Variants in FAT1 observed in about 807,000 individuals in gnomAD.
FAT1 encodes FAT atypical cadherin 1.
FAT1 carries 171 observed loss-of-function variants against 329.8 expected under a neutral mutation model. That is an observed-to-expected ratio of 0.52 (90% CI 0.46 to 0.59). FAT1 has a LOEUF of 0.59. Ranked by LOEUF, FAT1 falls within the 20% of genes least tolerant of loss-of-function variation. FAT1 has a pLI of 0.00. For missense variants in FAT1, 5,672 were observed against 5,774.4 expected, an observed-to-expected ratio of 0.98 and a Z score of 0.57; for synonymous variants, 2,233 against 2,228.6, an observed-to-expected ratio of 1.00 and a Z score of -0.06.
intron 2 of FAT1, among the ~76,000 whole-genome samples, chr4:186,688,204 T>G (rs1311259069): frequency 6.6e-6 from 1 of 150,514 alleles, no homozygotes; most frequent in Non-Finnish European, 1.5e-5. Flanking sequence ...GCTAAGCAGA[T>G]GCCCCAGCAG....
In FAT1 at chr4:186,619,515, C is replaced by G. The variant is rs745430071; in HGVS notation, c.7071G>C (p.Thr2357=). The G allele has an allele frequency of 1.2e-6, 2 of 1,613,930 alleles. No individual in the cohort carries two copies. Among genetic ancestry groups the G allele is most frequent in the Non-Finnish European group, 1.7e-6 (2 of 1,179,888 alleles). The change falls in exon 10 of 27, where the codon ACG becomes ACC. Residue 2357 remains threonine, a synonymous_variant. Coordinates refer to ENST00000441802, the MANE Select transcript of FAT1 (RefSeq NM_005245.4). ...TLDYEQSRQH[T]IFVRAVDGGM... ...CACCATCAACTGCCCTCACAAAAAT[C>G]GTGTGCTGCCGGGACTGCTCGTAAT...
chr4:186,643,788 T>TCCCCCCCCCCCCCCCCCC (rs111521404), intron 3 of FAT1, among the ~76,000 whole-genome samples: 42 of 131,114 alleles, frequency 3.2e-4, no homozygotes, highest in Non-Finnish European at 4.0e-4. Context: ...CTGCTCCTCA[T>TCCCCCCCCCCCCCCCCCC]CCCCCCCCCA....
At chr4:186,660,620 C>T (rs1018080906) in intron 3 of FAT1, among the ~76,000 whole-genome samples, 7 of 152,190 alleles carry the variant, frequency 4.6e-5, no homozygotes, top group African/African-American at 7.2e-5. Context: ...GTGCTCCCGC[C>T]GGGGCTGGGG....
At chr4:186,606,553 C>T (rs1285555477) in intron 16 of FAT1, among the ~76,000 whole-genome samples, 1 of 152,128 alleles carries the variant, frequency 6.6e-6, no homozygotes, top group African/African-American at 2.4e-5. Flanking sequence ...ATCTCAAATG[C>T]TGTTGCTTCG....
At chr4:186,639,496 A>C (rs1042731055) in intron 4 of FAT1, among the ~76,000 whole-genome samples, 2 of 152,234 alleles carry the variant, frequency 1.3e-5, no homozygotes, top group African/African-American at 4.8e-5. Flanking sequence ...AATCCGGCCC[A>C]TGACAGTGGC....
At chr4:186,714,756 T>A (rs1048719465) in intron 1 of FAT1, among the ~76,000 whole-genome samples, 8 of 152,200 alleles carry the variant, frequency 5.3e-5, no homozygotes, top group African/African-American at 1.9e-4. Flanking sequence ...AAGCCTAACA[T>A]TAGAACTTGG....
chr4:186,683,729 C>T (rs939218244), intron 2 of FAT1, among the ~76,000 whole-genome samples: 5 of 152,040 alleles, frequency 3.3e-5, no homozygotes, highest in South Asian at 2.1e-4. Context: ...GTCCAATACA[C>T]GACTTCTCCC....
chr4:186,668,083 G>A (rs990082354), intron 2 of FAT1, among the ~76,000 whole-genome samples: 1 of 152,200 alleles, frequency 6.6e-6, no homozygotes, highest in African/African-American at 2.4e-5. Context: ...ATTCCGCTCA[G>A]AGTTTTGGGG....
Position 186,611,590 on chromosome 4 carries a change from T to A in FAT1, c.9649A>T (p.Ile3217Phe), listed in dbSNP as rs1187121801. 3.1e-6 allele frequency: 5 copies of A among 1,613,676 alleles called. No homozygotes were observed. The African/African-American group carries it at 5.3e-5, about 17-fold the overall frequency. Residue 3217 changes from isoleucine to phenylalanine, a missense_variant, in exon 14 of 27, where the codon ATT becomes TTT. By Grantham distance (21) the Ile-to-Phe change is conservative. Around this residue, in one of 2 missense-constraint regions of FAT1, gnomAD observed 1,706 missense variants for 1,859.1 expected, o/e 0.92. Transcript: ENST00000441802. ...TCATTTATGTCAAGAACTGATACAA[T>A]CACAGTGCCAGTGGCAGTCAGCCTC... Reference protein sequence around the residue: ...PRRLTATGTVIVSVLDINDNP... With the variant: ...PRRLTATGTVFVSVLDINDNP...
chr4:186,684,909 T>A (rs1288396003), intron 2 of FAT1, among the ~76,000 whole-genome samples: 3 of 152,200 alleles, frequency 2.0e-5, no homozygotes, highest in Admixed American at 6.5e-5. Context: ...CGGCAACTCC[T>A]TTTATGCCAC....
At position 186,636,159 on chromosome 4, in the gene FAT1, T is replaced by C. The variant is rs754164178; in HGVS notation, c.4049A>G (p.Lys1350Arg). Reference protein sequence around the residue: ...RLHIEWISKPKPSLEPISFEE... With the variant: ...RLHIEWISKPRPSLEPISFEE... The stretch of plus-strand genomic sequence containing the variant: ...AAATGAAATGGGCTCCAGGGACGGT[T>C]TGGGCTTGGAGATCCATTCAATATG... The change falls in exon 6 of 27, where the codon AAA becomes AGA. Residue 1350 changes from lysine to arginine, a missense_variant. Around this residue, in one of 2 missense-constraint regions of FAT1, gnomAD observed 3,966 missense variants for 3,915.2 expected, o/e 1.01. Coordinates refer to ENST00000441802, the MANE Select transcript of FAT1 (RefSeq NM_005245.4). The C allele has an allele frequency of 2.5e-6, 4 of 1,613,814 alleles. No homozygotes were observed. The highest frequency in any genetic ancestry group is 1.3e-5 in the African/African-American group (1 of 75,006).
At chr4:186,711,658 C>G (rs912013036) in intron 1 of FAT1, among the ~76,000 whole-genome samples, 2 of 152,104 alleles carry the variant, frequency 1.3e-5, no homozygotes, top group African/African-American at 4.8e-5. Context: ...TGGCTCACAC[C>G]TGTAATCCCA....
At position 186,620,080 on chromosome 4, in the gene FAT1, A is replaced by G. The variant is rs774181216; in HGVS notation, c.6506T>C (p.Ile2169Thr). 5.6e-5 allele frequency: 91 copies of G among 1,613,926 alleles called. 1 individual carries two copies. Among genetic ancestry groups the G allele is most frequent in the Non-Finnish European group, 7.1e-5 (84 of 1,179,904 alleles). The change falls in exon 10 of 27, where the codon ATC (isoleucine) becomes ACC (threonine). Residue 2169 changes from isoleucine to threonine, a missense_variant. Physicochemically the swap from Ile to Thr is moderately conservative, Grantham distance 89. Around this residue, in one of 2 missense-constraint regions of FAT1, gnomAD observed 3,966 missense variants for 3,915.2 expected, o/e 1.01. Coordinates refer to ENST00000441802, the MANE Select transcript of FAT1 (RefSeq NM_005245.4). ...GGNPAFSAEV[I>T]VPITVMNKAM... ...TTTATTCATGACAGTGATCGGAACG[A>G]TAACTTCCGCTGAAAAGGCCGGGTT... is the stretch of plus-strand genomic sequence containing the variant.
At chr4:186,663,716 C>T in intron 2 of FAT1, 103 bp from the exon 3 acceptor site, 1 of 856,218 alleles carries the variant, frequency 1.2e-6, no homozygotes, top group Non-Finnish European at 1.8e-6. Flanking sequence ...TTATATGTCT[C>T]TTACTAGGTG....
At position 186,596,848 on chromosome 4, in the gene FAT1, G is replaced by A. The variant is rs368267696; in HGVS notation, c.12692C>T (p.Pro4231Leu). The stretch of plus-strand genomic sequence containing the variant: ...CTTATTTAGCTTGGAATCAAAATAC[G>A]GTCTTTGCAAGAAAGCCGTAGCGGG... ...LGPATAFLQR[P>L]YFDSKLNKNI... The change falls in exon 25 of 27, where the codon CCG (proline) becomes CTG (leucine). Residue 4231 changes from proline to leucine, a missense_variant. Transcript: ENST00000441802. This position sits in a 1 kb window ranked among gnomAD's most constrained non-coding sequence, Gnocchi z 4.7. 2.2e-5 allele frequency: 35 copies of A among 1,613,784 alleles called. No homozygotes were observed. The African/African-American group carries it at 2.3e-4, about 10-fold the overall frequency.
chr4:186,719,826 T>C (rs1745382784), intron 1 of FAT1, among the ~76,000 whole-genome samples: 1 of 152,252 alleles, frequency 6.6e-6, no homozygotes, highest in African/African-American at 2.4e-5. Flanking sequence ...TGCTACCACC[T>C]AGTTAGAATG....
chr4:186,608,732 C>G (rs1739257858), intron 16 of FAT1, among the ~76,000 whole-genome samples: 1 of 152,168 alleles, frequency 6.6e-6, no homozygotes, highest in Non-Finnish European at 1.5e-5. Flanking sequence ...AAAATACCTT[C>G]CTATTTTATC....
intron 3 of FAT1, among the ~76,000 whole-genome samples, chr4:186,649,402 T>G (rs1741527211): frequency 6.6e-6 from 1 of 152,200 alleles, no homozygotes; most frequent in African/African-American, 2.4e-5. Context: ...AAAAGATACA[T>G]ACAACCCTGG....
chr4:186,649,227 C>T (rs1218901968), intron 3 of FAT1, among the ~76,000 whole-genome samples: 4 of 152,022 alleles, frequency 2.6e-5, no homozygotes, highest in Non-Finnish European at 5.9e-5. Flanking sequence ...CAACTACCGA[C>T]CAAATCATTA....
Sources: gnomAD v4.1 joint callset for allele counts (sites outside exome capture counted in the v4.1 genomes callset) on GRCh38, gnomAD v4.1.1 for gene constraint, gnomAD v4.1.1 regional missense constraint, Gnocchi (gnomAD v3.1) non-coding constraint, MANE v1.5 for transcripts, NCBI Gene and HGNC (gene_info 2026-07-23, HGNC 2026-07-21) for gene names.